Variants in RARB observed in about 807,000 individuals in gnomAD.
RARB encodes the protein retinoic acid receptor beta, also known as HBV-activated protein.
A neutral mutation model predicts 51.9 loss-of-function variants in RARB; 17 were observed. That is an observed-to-expected ratio of 0.33 (90% confidence interval 0.22 to 0.49). The LOEUF (loss-of-function observed/expected upper bound fraction) is 0.49. Ranked by LOEUF, RARB falls within the 20% of genes least tolerant of loss-of-function variation. The pLI, the probability that RARB is intolerant of heterozygous loss-of-function variation, is 0.99. For missense variants in RARB, 369 were observed against 550.8 expected (o/e 0.67, Z 3.30); for synonymous variants, 215 against 195.4 (o/e 1.10, Z -0.84).
chr3:25,140,084 G>GTTT (rs58452061), intron 4 of RARB, among the ~76,000 whole-genome samples: 1 of 149,636 alleles, frequency 6.7e-6, no homozygotes, highest in Non-Finnish European at 1.5e-5. Flanking sequence ...CAAGGACATG[G>GTTT]TTTTTTTTTT....
chr3:24,934,118 G>C (rs975323525), intron 2 of RARB, among the ~76,000 whole-genome samples: 5 of 152,096 alleles, frequency 3.3e-5, no homozygotes, highest in Non-Finnish European at 5.9e-5. Context: ...TTGCCAAGAG[G>C]TATTGCTGAG....
chr3:25,057,756 A>G (rs190482570), intron 2 of RARB, among the ~76,000 whole-genome samples: 1 of 152,174 alleles, frequency 6.6e-6, no homozygotes, highest in Non-Finnish European at 1.5e-5. Context: ...TACTAGAAGA[A>G]GACTATTCCA....
At chr3:25,297,790 C>T (rs1703952022) in intron 5 of RARB, among the ~76,000 whole-genome samples, 1 of 152,046 alleles carries the variant, frequency 6.6e-6, no homozygotes, top group South Asian at 2.1e-4. Context: ...GAACATTTAT[C>T]TTTATCCAGG....
At chr3:25,292,256 G>C (rs1456381709) in intron 5 of RARB, among the ~76,000 whole-genome samples, 1 of 152,158 alleles carries the variant, frequency 6.6e-6, no homozygotes, top group African/African-American at 2.4e-5. Flanking sequence ...TGGTGAGATA[G>C]CCCCTTCCCA....
In RARB at chr3:25,094,716, C is replaced by CAAAAAAAAAAAAAAA. The variant is rs57477720; in HGVS notation, c.-328+34551_-328+34565dup. The stretch of plus-strand genomic sequence containing the variant: ...TGGGAGACAGAGTGAGACCCCATCT[C>CAAAAAAAAAAAAAAA]AAAAAAAAAAAAAAAAAAAAAAAAA... On this transcript the variant is annotated intron_variant, in intron 3 of 11. Transcript: ENST00000383772. Among the ~76,000 whole-genome samples the CAAAAAAAAAAAAAAA allele has an allele frequency of 1.2e-3, 53 of 43,104 alleles. 2 individuals carry two copies. The highest frequency in any genetic ancestry group is 1.7e-3 in the South Asian group (1 of 584). The allele number at this position is 43,104 out of a possible 152,430, so 28.3% of individuals were successfully genotyped here.
intron 2 of RARB, among the ~76,000 whole-genome samples, chr3:24,933,841 G>C (rs542715204): frequency 6.6e-6 from 1 of 152,056 alleles, no homozygotes; most frequent in East Asian, 1.9e-4. Flanking sequence ...AATAAGGAAG[G>C]ATCGAACAAA....
intron 3 of RARB, among the ~76,000 whole-genome samples, chr3:25,522,634 T>C (rs1052693735): frequency 2.0e-5 from 3 of 152,052 alleles, no homozygotes; most frequent in African/African-American, 7.2e-5. Context: ...TGAGGGCAGT[T>C]TGCAGGAGGA....
chr3:25,277,287 C>A lies in RARB; in HGVS notation c.178+102712C>A, dbSNP rs548815169. ...AAGAGCCAATGAAGCCACCTAGCAGCGTAGCCTGGGACATGGAGTCCAGAA... is the reference window on the plus strand; with the variant it reads ...AAGAGCCAATGAAGCCACCTAGCAGAGTAGCCTGGGACATGGAGTCCAGAA... On this transcript the variant is annotated intron_variant, in intron 5 of 11. Transcript: ENST00000383772. Among the ~76,000 whole-genome samples the A allele has an allele frequency of 1.8e-4, 28 of 152,204 alleles. No homozygotes were observed. In the South Asian group the frequency reaches 5.2e-3, roughly 28 times the overall value.
intron 3 of RARB, among the ~76,000 whole-genome samples, chr3:25,532,867 G>T (rs1698984477): frequency 6.6e-6 from 1 of 152,172 alleles, no homozygotes; most frequent in African/African-American, 2.4e-5. Context: ...GAAAGGCATT[G>T]CTTTTCAGGA....
At chr3:24,962,500 C>T (rs555454819) in intron 2 of RARB, among the ~76,000 whole-genome samples, 8 of 152,302 alleles carry the variant, frequency 5.3e-5, no homozygotes, top group African/African-American at 1.7e-4. Context: ...GGTCCCCAAT[C>T]CCCGGGCCAC....
intron 5 of RARB, among the ~76,000 whole-genome samples, chr3:25,209,158 A>G (rs1278312672): frequency 1.3e-5 from 2 of 152,172 alleles, no homozygotes; most frequent in East Asian, 1.9e-4. Flanking sequence ...TTGCGTTTTC[A>G]TGGGTCCCAA....
chr3:24,880,357 G>T (rs1446943406), intron 2 of RARB, among the ~76,000 whole-genome samples: 1 of 151,890 alleles, frequency 6.6e-6, no homozygotes, highest in Non-Finnish European at 1.5e-5. Context: ...AACTGGGGGT[G>T]GGGGCAACAC....
chr3:25,501,179 C>CTT lies in RARB; in HGVS notation c.307-3_307-2insTT. On this transcript the variant is annotated splice_region_variant and splice_polypyrimidine_tract_variant and intron_variant, in intron 2 of 7. Transcript: ENST00000330688. ...GTTTTTTCATCTTCTTGCTTGCTTG[C>CTT]AGGGCTTTTTCCGCAGAAGTATTCA... 6 of 1,565,392 alleles carry CTT rather than the reference C, an allele frequency of 3.8e-6. No individual in the cohort carries two copies. Among genetic ancestry groups the CTT allele is most frequent in the Non-Finnish European group, 5.2e-6 (6 of 1,162,432 alleles).
At chr3:25,321,099 A>C (rs1704556949) in intron 5 of RARB, among the ~76,000 whole-genome samples, 1 of 152,190 alleles carries the variant, frequency 6.6e-6, no homozygotes, top group African/African-American at 2.4e-5. Flanking sequence ...TTTAACAAGC[A>C]GATCTTTTTC....
chr3:25,387,136 A>C (rs1170200580), intron 5 of RARB, among the ~76,000 whole-genome samples: 33 of 152,196 alleles, frequency 2.2e-4, no homozygotes, highest in Admixed American at 2.2e-3. Flanking sequence ...AGTTTGCCGG[A>C]AGACCTTCAG....
intron 3 of RARB, among the ~76,000 whole-genome samples, chr3:25,529,455 A>T (rs1381925728): frequency 6.6e-6 from 1 of 152,192 alleles, no homozygotes; most frequent in Non-Finnish European, 1.5e-5. Flanking sequence ...ACAACTAAAA[A>T]CACATATGTT....
intron 2 of RARB, among the ~76,000 whole-genome samples, chr3:25,057,565 A>G (rs1698464666): frequency 6.6e-6 from 1 of 151,994 alleles, no homozygotes; most frequent in Non-Finnish European, 1.5e-5. Context: ...TTTGAATCCA[A>G]TTTTTGCTTT....
At chr3:25,212,349 G>C (rs1364072234) in intron 5 of RARB, among the ~76,000 whole-genome samples, 1 of 152,216 alleles carries the variant, frequency 6.6e-6, no homozygotes, top group Admixed American at 6.5e-5. Context: ...GCTGGGTACA[G>C]TGGCTCACGC....
chr3:25,350,966 C>A, intron 5 of RARB, among the ~76,000 whole-genome samples: 1 of 152,146 alleles, frequency 6.6e-6, no homozygotes, highest in East Asian at 1.9e-4. Flanking sequence ...TGTAGAGCCT[C>A]CAGTTCCTTT....
Sources: allele counts gnomAD v4.1 joint callset (sites outside exome capture counted in the v4.1 genomes callset), GRCh38; gene constraint gnomAD v4.1.1; transcripts MANE v1.5; gene names NCBI Gene and HGNC (gene_info 2026-07-23, HGNC 2026-07-21).